FGF14: variants seen among roughly 807,000 people sequenced by gnomAD.
FGF14 encodes the protein fibroblast growth factor homologous factor 4.
FGF14 carries 5 observed loss-of-function variants against 25.5 expected under a neutral mutation model. That is an observed-to-expected ratio of 0.20 (90% CI 0.10 to 0.41). The LOEUF is 0.41. FGF14 is among the 10% of genes least tolerant of loss of function. The probability of loss-of-function intolerance (pLI) is 1.00; values close to 1 mark genes in which losing one functional copy is unlikely to be tolerated. For missense variants in FGF14, 222 were observed against 320.1 expected, an observed-to-expected ratio of 0.69 and a Z score of 2.34; for synonymous variants, 138 against 118.3, an observed-to-expected ratio of 1.17 and a Z score of -1.08.
rs531348813 is a variant in FGF14, at chr13:102,301,062, G to T, written c.208+100409C>A. Among the ~76,000 whole-genome samples the T allele has an allele frequency of 2.6e-5, 4 of 151,742 alleles. No homozygotes were observed. The South Asian group carries it at 8.3e-4, about 32-fold the overall frequency. On this transcript the variant is annotated intron_variant, in intron 1 of 4. Coordinates refer to the FGF14 transcript ENST00000376131. ...GCTATTATCTTTTTTTCATCTTCTA[G>T]GCTTTCCTCAAAATAAAGTGGAAAA...
intron 1 of FGF14, among the ~76,000 whole-genome samples, chr13:102,232,759 A>C (rs903666541): frequency 6.6e-6 from 1 of 152,210 alleles, no homozygotes; most frequent in Non-Finnish European, 1.5e-5. Context: ...CAATTGCTTT[A>C]AGTTAAACAC....
intron 3 of FGF14, among the ~76,000 whole-genome samples, chr13:101,859,883 T>C (rs1057008417): frequency 2.6e-5 from 4 of 152,110 alleles, no homozygotes; most frequent in African/African-American, 9.7e-5. Context: ...ACAGACAAAA[T>C]GAAGCTTCAG....
At chr13:101,832,868 T>C (rs1354076112) in intron 3 of FGF14, among the ~76,000 whole-genome samples, 1 of 152,088 alleles carries the variant, frequency 6.6e-6, no homozygotes, top group Non-Finnish European at 1.5e-5. Context: ...AATTGAGTTA[T>C]TCATGAAAGA....
intron 3 of FGF14, among the ~76,000 whole-genome samples, chr13:101,767,596 AC>A (rs1473544532): frequency 6.6e-6 from 1 of 152,224 alleles, no homozygotes; most frequent in Non-Finnish European, 1.5e-5. Context: ...TTATTGCAAT[AC>A]AAACTGGGAA....
intron 3 of FGF14, among the ~76,000 whole-genome samples, chr13:101,749,156 G>A (rs184584089): frequency 9.2e-5 from 14 of 152,214 alleles, no homozygotes; most frequent in Admixed American, 8.5e-4. Context: ...TGGCTAGGGA[G>A]AGGAGGAAAG....
At chr13:102,106,385 A>T (rs2044915972) in intron 1 of FGF14, among the ~76,000 whole-genome samples, 1 of 152,150 alleles carries the variant, frequency 6.6e-6, no homozygotes, top group Non-Finnish European at 1.5e-5. Context: ...AGCCTGGCTA[A>T]CATGGTGAAA....
At chr13:101,756,173 T>A (rs1451301030) in intron 3 of FGF14, among the ~76,000 whole-genome samples, 1 of 152,188 alleles carries the variant, frequency 6.6e-6, no homozygotes, top group Admixed American at 6.5e-5. Flanking sequence ...AAGACTTACC[T>A]TTTTCCAAAG....
intron 1 of FGF14, among the ~76,000 whole-genome samples, chr13:102,309,783 C>T (rs1461491673): frequency 1.3e-5 from 2 of 152,180 alleles, no homozygotes; most frequent in African/African-American, 4.8e-5. Context: ...TCTTAGAGCA[C>T]ATATCCTGGC....
chr13:101,766,187 T>C (rs1280427563), intron 3 of FGF14, among the ~76,000 whole-genome samples: 1 of 152,210 alleles, frequency 6.6e-6, no homozygotes, highest in Non-Finnish European at 1.5e-5. Flanking sequence ...GTGCAAGATA[T>C]TTGATGTGAG....
Position 101,715,581 on chromosome 13 carries a change from G to T in FGF14, c.*7250C>A. 1 of 1,612,798 alleles carries T rather than the reference G, an allele frequency of 6.2e-7. No homozygotes were observed. The highest frequency in any genetic ancestry group is 8.5e-7 in the Non-Finnish European group (1 of 1,178,870). The stretch of plus-strand genomic sequence containing the variant: ...ATTGCAGGGAATGGAATATGTAGCT[G>T]TGGAAACTGTGAATGCTGGGATGGA... On this transcript the variant is annotated 3_prime_UTR_variant, in exon 5 of 5. Coordinates refer to ENST00000376143, the MANE Select transcript of FGF14 (RefSeq NM_004115.4).
intron 3 of FGF14, among the ~76,000 whole-genome samples, chr13:101,730,730 T>C (rs910319145): frequency 6.6e-6 from 1 of 152,124 alleles, no homozygotes; most frequent in African/African-American, 2.4e-5. Context: ...TCTCCAGGGA[T>C]AATGTGCACA....
At chr13:102,129,720 G>A (rs1317053537) in intron 1 of FGF14, among the ~76,000 whole-genome samples, 1 of 152,006 alleles carries the variant, frequency 6.6e-6, no homozygotes, top group Non-Finnish European at 1.5e-5. Context: ...ATAGCATTAG[G>A]AGATATACCT....
intron 1 of FGF14, among the ~76,000 whole-genome samples, chr13:102,001,734 G>A (rs1310850229): frequency 1.3e-5 from 2 of 152,180 alleles, no homozygotes; most frequent in Non-Finnish European, 2.9e-5. Context: ...AGTAGATTGG[G>A]AACGACTGTC....
At position 102,401,457 on chromosome 13, in the gene FGF14, C is replaced by G. The variant is rs755372472; in HGVS notation, c.208+14G>C. ...TTATGAGGAAAAACATAACATGATGCATGTTTCGCTTACCAGTTGGGTTCT... is the reference window on the plus strand; with the variant it reads ...TTATGAGGAAAAACATAACATGATGGATGTTTCGCTTACCAGTTGGGTTCT... On this transcript the variant is annotated intron_variant, in intron 1 of 4. Transcript: ENST00000376131. 37 of 1,611,364 alleles carry G rather than the reference C, an allele frequency of 2.3e-5. No individual in the cohort carries two copies. In the Admixed American group the frequency reaches 6.2e-4, roughly 27 times the overall value.
intron 3 of FGF14, among the ~76,000 whole-genome samples, chr13:101,852,106 T>C (rs561920878): frequency 6.6e-6 from 1 of 152,180 alleles, no homozygotes; most frequent in Non-Finnish European, 1.5e-5. Context: ...ACATTTGAAA[T>C]TACACTTATG....
At chr13:102,255,967 C>T (rs1360428059) in intron 1 of FGF14, among the ~76,000 whole-genome samples, 3 of 151,996 alleles carry the variant, frequency 2.0e-5, no homozygotes, top group Admixed American at 1.3e-4. Context: ...GGTGGAGAAA[C>T]GGGTTTTAGA....
At chr13:102,172,032 G>A (rs1209542630) in intron 1 of FGF14, among the ~76,000 whole-genome samples, 1 of 151,462 alleles carries the variant, frequency 6.6e-6, no homozygotes, top group Non-Finnish European at 1.5e-5. Context: ...GTCTCACTAT[G>A]TTGCTTAGGC....
intron 1 of FGF14, among the ~76,000 whole-genome samples, chr13:102,299,025 CT>C (rs2054883019): frequency 6.6e-6 from 1 of 152,078 alleles, no homozygotes; most frequent in Non-Finnish European, 1.5e-5. Flanking sequence ...CTAAGACATA[CT>C]TTACCTTCCT....
At chr13:101,958,666 C>T (rs113221496) in intron 1 of FGF14, among the ~76,000 whole-genome samples, 295 of 152,278 alleles carry the variant, frequency 1.9e-3, no homozygotes, top group Non-Finnish European at 3.2e-3. Flanking sequence ...AAAAGAGCAT[C>T]CCTGTCATTT....
Sources: allele counts gnomAD v4.1 joint callset (sites outside exome capture counted in the v4.1 genomes callset), GRCh38; gene constraint gnomAD v4.1.1; transcripts MANE v1.5; gene names NCBI Gene and HGNC (gene_info 2026-07-23, HGNC 2026-07-21).